CDH13: variants seen among roughly 807,000 people sequenced by gnomAD.
The protein encoded by CDH13 is cadherin 13.
Under a neutral mutation model 63.8 loss-of-function variants are expected in CDH13, and 24 were observed. The observed-to-expected ratio is 0.38, with a 90% CI of 0.27 to 0.53. CDH13 has a LOEUF of 0.53. CDH13 is among the 20% of genes least tolerant of loss of function. The probability of loss-of-function intolerance (pLI) is 0.85; values close to 1 mark genes in which losing one functional copy is unlikely to be tolerated. For synonymous variants in CDH13, 503 were observed against 355.3 expected (o/e 1.42, Z -4.67); for missense variants, 1,049 against 903.1 (o/e 1.16, Z -2.07).
At chr16:82,681,661 C>T (rs912652508) in intron 1 of CDH13, among the ~76,000 whole-genome samples, 1 of 152,226 alleles carries the variant, frequency 6.6e-6, no homozygotes, top group Non-Finnish European at 1.5e-5. Flanking sequence ...GTTGCATTCC[C>T]TCACCTTTCT....
chr16:82,672,999 C>CTTTTTTCTTTTT (rs1913456182), intron 1 of CDH13, among the ~76,000 whole-genome samples: 1 of 81,268 alleles, frequency 1.2e-5, no homozygotes, highest in Admixed American at 1.7e-4. Flanking sequence ...ATAAAGTTTT[C>CTTTTTTCTTTTT]TTTTTTTTTT....
At chr16:82,921,561 G>T (rs1291656777) in intron 2 of CDH13, among the ~76,000 whole-genome samples, 1 of 152,126 alleles carries the variant, frequency 6.6e-6, no homozygotes, top group Admixed American at 6.5e-5. Flanking sequence ...TTCCAATTCA[G>T]GTAGTATTTA....
intron 6 of CDH13, among the ~76,000 whole-genome samples, chr16:83,366,228 T>C (rs372982279): frequency 1.3e-5 from 2 of 152,168 alleles, no homozygotes; most frequent in Admixed American, 6.5e-5. Flanking sequence ...ATTACCAACT[T>C]ACAATTTTCA....
intron 8 of CDH13, among the ~76,000 whole-genome samples, chr16:83,618,837 A>G (rs1471902007): frequency 6.6e-6 from 1 of 152,214 alleles, no homozygotes; most frequent in Non-Finnish European, 1.5e-5. Context: ...GAGTTAAAAA[A>G]AAAAATGAAA....
chr16:83,568,155 T>C (rs9940788), intron 7 of CDH13, among the ~76,000 whole-genome samples: 2,389 of 152,022 alleles, frequency 0.016, 53 homozygotes, highest in African/African-American at 0.055. Flanking sequence ...ATACATGTGC[T>C]GGTGGAACGA....
intron 1 of CDH13, among the ~76,000 whole-genome samples, chr16:82,815,738 G>T (rs567300906): frequency 5.3e-5 from 8 of 152,078 alleles, no homozygotes; most frequent in Non-Finnish European, 1.0e-4. Flanking sequence ...CTATCACTTT[G>T]TTGGCCACTG....
intron 4 of CDH13, among the ~76,000 whole-genome samples, chr16:83,180,670 C>T (rs1035340436): frequency 6.6e-6 from 1 of 152,190 alleles, no homozygotes; most frequent in African/African-American, 2.4e-5. Flanking sequence ...TATGCAGACT[C>T]CCGAAGCCAT....
At chr16:82,814,800 G>A (rs947110262) in intron 1 of CDH13, among the ~76,000 whole-genome samples, 3 of 152,152 alleles carry the variant, frequency 2.0e-5, no homozygotes, top group African/African-American at 7.2e-5. Context: ...GCCACAACCT[G>A]GGCCTTGTGA....
At chr16:83,040,578 C>G (rs1917245538) in intron 3 of CDH13, among the ~76,000 whole-genome samples, 1 of 152,210 alleles carries the variant, frequency 6.6e-6, no homozygotes, top group Admixed American at 6.5e-5. Context: ...CTCAGCCAGT[C>G]TGCTCTTTCC....
At chr16:83,670,427 C>A (rs1263806820) in intron 8 of CDH13, among the ~76,000 whole-genome samples, 1 of 152,186 alleles carries the variant, frequency 6.6e-6, no homozygotes, top group Non-Finnish European at 1.5e-5. Context: ...CAAGCTCCTC[C>A]TTCCTTGTAG....
intron 2 of CDH13, among the ~76,000 whole-genome samples, chr16:83,002,911 C>T (rs1913087327): frequency 6.6e-6 from 1 of 152,126 alleles, no homozygotes. Context: ...TTCAATTTAC[C>T]CATTGACTTA....
At chr16:82,979,833 G>T (rs1035485280) in intron 2 of CDH13, among the ~76,000 whole-genome samples, 1 of 152,122 alleles carries the variant, frequency 6.6e-6, no homozygotes, top group African/African-American at 2.4e-5. Flanking sequence ...ACTAAAATTG[G>T]CAGGGGGAAA....
intron 5 of CDH13, among the ~76,000 whole-genome samples, chr16:83,333,569 A>G (rs980675116): frequency 6.6e-6 from 1 of 152,180 alleles, no homozygotes; most frequent in East Asian, 1.9e-4. Context: ...CAAGGTCACC[A>G]TACTCCCGCT....
At chr16:83,778,337 C>T (rs767285646) in intron 11 of CDH13, among the ~76,000 whole-genome samples, 1 of 152,208 alleles carries the variant, frequency 6.6e-6, no homozygotes, top group African/African-American at 2.4e-5. Flanking sequence ...TGAGACCAGA[C>T]TGACCAACGT....
At chr16:83,068,521 G>A (rs546868476) in intron 3 of CDH13, among the ~76,000 whole-genome samples, 3 of 152,240 alleles carry the variant, frequency 2.0e-5, no homozygotes, top group South Asian at 2.1e-4. Flanking sequence ...TCTCACACTC[G>A]TTGCTCTTTT....
rs560592274 is a variant in CDH13, at chr16:83,297,413, G to T, written c.637-47449G>T. On this transcript the variant is annotated intron_variant, in intron 5 of 13. Transcript: ENST00000567109. The stretch of plus-strand genomic sequence containing the variant: ...TTAAAAAAACAAAACTTAAAAAATA[G>T]TACTAATGGGAGGTGAAGAAGGTGT... Among the ~76,000 whole-genome samples the T allele has an allele frequency of 6.6e-5, 10 of 152,200 alleles. No individual in the cohort carries two copies. In the East Asian group the frequency reaches 1.7e-3, roughly 26 times the overall value.
intron 4 of CDH13, among the ~76,000 whole-genome samples, chr16:83,207,044 G>A (rs1014229113): frequency 6.6e-6 from 1 of 152,200 alleles, no homozygotes; most frequent in Non-Finnish European, 1.5e-5. Context: ...AGTTTAATCA[G>A]TTAATACTAG....
At chr16:82,657,830 T>C (rs1430476440) in intron 1 of CDH13, among the ~76,000 whole-genome samples, 1 of 152,256 alleles carries the variant, frequency 6.6e-6, no homozygotes, top group African/African-American at 2.4e-5. Context: ...TCAATTTTTT[T>C]GGATTTCTTA....
chr16:83,055,982 T>G (rs950997242), intron 3 of CDH13, among the ~76,000 whole-genome samples: 1 of 152,146 alleles, frequency 6.6e-6, no homozygotes, highest in African/African-American at 2.4e-5. Context: ...ATCTAGGACA[T>G]GTTAACAACT....
Sources: gnomAD v4.1 joint callset for allele counts (sites outside exome capture counted in the v4.1 genomes callset) on GRCh38, gnomAD v4.1.1 for gene constraint, MANE v1.5 for transcripts, NCBI Gene and HGNC (gene_info 2026-07-23, HGNC 2026-07-21) for gene names.